PDE1A: variants seen among roughly 807,000 people sequenced by gnomAD.
PDE1A encodes phosphodiesterase 1A, also known as dual specificity calcium/calmodulin-dependent 3',5'-cyclic nucleotide phosphodiesterase 1A.
PDE1A carries 35 observed loss-of-function variants against 61.7 expected under a neutral mutation model. The ratio of observed to expected loss-of-function variants is 0.57; its 90% CI spans 0.43 to 0.75. The LOEUF (loss-of-function observed/expected upper bound fraction) is 0.75. Ranked by LOEUF, PDE1A falls within the 30% of genes least tolerant of loss-of-function variation. PDE1A has a pLI of 0.00. For synonymous variants in PDE1A, 232 were observed against 213.2 expected, an observed-to-expected ratio of 1.09 and a Z score of -0.77; for missense variants, 597 against 630.6, an observed-to-expected ratio of 0.95 and a Z score of 0.57.
At chr2:182,597,153 A>G in the PDE1A span, among the ~76,000 whole-genome samples, 7 of 145,092 alleles carry the variant, frequency 4.8e-5, no homozygotes, top group African/African-American at 2.0e-4. Flanking sequence ...CCCCATCTCA[A>G]AAATTAAAAA....
chr2:182,242,476 A>G (rs1559241627), intron 2 of PDE1A, among the ~76,000 whole-genome samples: 1 of 152,246 alleles, frequency 6.6e-6, no homozygotes, highest in Non-Finnish European at 1.5e-5. Context: ...GAATCTTGAA[A>G]AGGCAACAAC....
At chr2:182,683,654 GATAAAA>G in the PDE1A span, among the ~76,000 whole-genome samples, 1 of 151,962 alleles carries the variant, frequency 6.6e-6, no homozygotes, top group African/African-American at 2.4e-5. Context: ...AATCATGACC[GATAAAA>G]ATAAAACAAA....
At chr2:182,334,250 T>A (rs1270088572) in intron 1 of PDE1A, among the ~76,000 whole-genome samples, 1 of 149,750 alleles carries the variant, frequency 6.7e-6, no homozygotes. Context: ...ATAATCCTGA[T>A]ACCAAACCCT....
chr2:182,341,966 G>A (rs979764965), intron 1 of PDE1A, among the ~76,000 whole-genome samples: 3 of 151,864 alleles, frequency 2.0e-5, no homozygotes, highest in African/African-American at 7.3e-5. Context: ...ACCAGGCCTC[G>A]CTATGTTGCC....
At chr2:182,209,347 C>G (rs565784902) in intron 7 of PDE1A, among the ~76,000 whole-genome samples, 111 of 151,988 alleles carry the variant, frequency 7.3e-4, no homozygotes, top group African/African-American at 2.6e-3. Context: ...GGGAAACCAC[C>G]CCCATGATTC....
intron 1 of PDE1A, among the ~76,000 whole-genome samples, chr2:182,366,751 G>A (rs919484545): frequency 5.9e-5 from 9 of 151,936 alleles, no homozygotes; most frequent in African/African-American, 1.9e-4. Flanking sequence ...ATGGTATCCC[G>A]CTTCTATTTG....
chr2:182,148,336 C>T (rs1414635848), intron 13 of PDE1A, among the ~76,000 whole-genome samples: 1 of 152,118 alleles, frequency 6.6e-6, no homozygotes, highest in African/African-American at 2.4e-5. Flanking sequence ...GCTCTCCCTC[C>T]ACTGGCTACT....
At chr2:182,572,100 G>A in the PDE1A span, among the ~76,000 whole-genome samples, 1 of 152,144 alleles carries the variant, frequency 6.6e-6, no homozygotes, top group South Asian at 2.1e-4. Context: ...ACAGATCCAG[G>A]AACTGACACT....
the PDE1A span, among the ~76,000 whole-genome samples, chr2:182,535,312 C>T: frequency 6.7e-6 from 1 of 148,454 alleles, no homozygotes; most frequent in Non-Finnish European, 1.5e-5. Context: ...GGAGATTAAC[C>T]TCCTGTCTAG....
chr2:182,438,355 A>G (rs975223445), intron 2 of PDE1A, among the ~76,000 whole-genome samples: 1 of 152,012 alleles, frequency 6.6e-6, no homozygotes, highest in Non-Finnish European at 1.5e-5. Context: ...AAGAAGTCCT[A>G]TGTTGGTCTC....
intron 1 of PDE1A, among the ~76,000 whole-genome samples, chr2:182,383,091 C>T (rs1238841146): frequency 6.6e-6 from 1 of 152,146 alleles, no homozygotes; most frequent in African/African-American, 2.4e-5. Flanking sequence ...TAATCCCATT[C>T]TCCAAGACTC....
In PDE1A at chr2:182,472,942, AT is replaced by A. The variant is rs770560215; in HGVS notation, c.101+49333del. On this transcript the variant is annotated intron_variant, in intron 2 of 14. Coordinates refer to the PDE1A transcript ENST00000410103. ...CATAAGCTTTTTAAAAATTTTATTA[AT>A]TTTTTTTTTTTAAATTTTTTATTTT... Among the ~76,000 whole-genome samples, 359 of 69,444 alleles carry A rather than the reference AT, an allele frequency of 5.2e-3. 2 individuals carry two copies. The highest frequency in any genetic ancestry group is 9.8e-3 in the South Asian group (11 of 1,128). The allele number at this position is 69,444 out of a possible 152,430, so 45.6% of individuals were successfully genotyped here.
intron 2 of PDE1A, among the ~76,000 whole-genome samples, chr2:182,482,410 C>CA (rs558920330): frequency 1.3e-3 from 190 of 150,508 alleles, no homozygotes; most frequent in African/African-American, 4.1e-3. Context: ...TTTCATTTGT[C>CA]AAAAAAAGAA....
At chr2:182,242,947 G>GTGTGTGTGTGTGTGTGTTTGTA (rs1690669614) in intron 2 of PDE1A, among the ~76,000 whole-genome samples, 1 of 150,664 alleles carries the variant, frequency 6.6e-6, no homozygotes, top group Non-Finnish European at 1.5e-5. Context: ...GTGTGTGTGT[G>GTGTGTGTGTGTGTGTGTTTGTA]TGTTGTGTAG....
At chr2:182,701,482 G>T in the PDE1A span, among the ~76,000 whole-genome samples, 1 of 151,332 alleles carries the variant, frequency 6.6e-6, no homozygotes, top group African/African-American at 2.4e-5. Flanking sequence ...CCGGGTTCAA[G>T]TGATTCTCCT....
At chr2:182,240,709 C>G (rs1317105812) in intron 2 of PDE1A, among the ~76,000 whole-genome samples, 1 of 152,130 alleles carries the variant, frequency 6.6e-6, no homozygotes, top group African/African-American at 2.4e-5. Flanking sequence ...TAATAGTTGT[C>G]ATATACTTAA....
At chr2:182,695,274 T>C in the PDE1A span, among the ~76,000 whole-genome samples, 3 of 152,050 alleles carry the variant, frequency 2.0e-5, no homozygotes, top group Admixed American at 1.3e-4. Context: ...GGCAAACCAC[T>C]GCCCCCAAAA....
At chr2:182,424,445 AG>A (rs1703478487) in intron 1 of PDE1A, among the ~76,000 whole-genome samples, 1 of 152,192 alleles carries the variant, frequency 6.6e-6, no homozygotes, top group East Asian at 1.9e-4. Context: ...CATACTGAGA[AG>A]GAAAGGTCTA....
At chr2:182,599,709 T>TA in the PDE1A span, among the ~76,000 whole-genome samples, 8 of 152,250 alleles carry the variant, frequency 5.3e-5, no homozygotes, top group Non-Finnish European at 8.8e-5. Flanking sequence ...CTTTTACTAT[T>TA]AAAAAAAATT....
Sources: gnomAD v4.1 joint callset for allele counts (sites outside exome capture counted in the v4.1 genomes callset) on GRCh38, gnomAD v4.1.1 for gene constraint, MANE v1.5 for transcripts, NCBI Gene and HGNC (gene_info 2026-07-23, HGNC 2026-07-21) for gene names.